Variants in NR5A2 observed in about 807,000 individuals in gnomAD.
NR5A2 encodes the protein nuclear receptor subfamily 5 group A member 2.
NR5A2 carries 26 observed loss-of-function variants against 62.7 expected under a neutral mutation model. That is an observed-to-expected ratio of 0.41 (90% CI 0.30 to 0.58). NR5A2 has a LOEUF of 0.58. Among genes scored for constraint, NR5A2 ranks in the 20% least tolerant of loss-of-function variants. The pLI, the probability that NR5A2 is intolerant of heterozygous loss-of-function variation, is 0.22. For synonymous variants in NR5A2, 246 were observed against 241.7 expected (o/e 1.02, Z -0.16); for missense variants, 541 against 669.1 (o/e 0.81, Z 2.11).
At chr1:200,033,542 G>C (rs1039178292) in intron 1 of NR5A2, among the ~76,000 whole-genome samples, 2 of 152,038 alleles carry the variant, frequency 1.3e-5, no homozygotes, top group Non-Finnish European at 2.9e-5. Flanking sequence ...TCTGCTTCCC[G>C]GCCTTCTGCA....
intron 7 of NR5A2, among the ~76,000 whole-genome samples, chr1:200,145,951 G>A (rs1407301645): frequency 6.6e-6 from 1 of 152,080 alleles, no homozygotes; most frequent in African/African-American, 2.4e-5. Flanking sequence ...ATGAATATAA[G>A]CTTTACTAAA....
At chr1:200,149,565 C>T (rs75193699) in intron 7 of NR5A2, among the ~76,000 whole-genome samples, 1,523 of 152,298 alleles carry the variant, frequency 0.01, 17 homozygotes, top group Non-Finnish European at 0.015. Flanking sequence ...CCCCTCAACA[C>T]GCAGCAAATT....
intron 7 of NR5A2, among the ~76,000 whole-genome samples, chr1:200,168,356 C>T (rs987640512): frequency 3.3e-5 from 5 of 151,984 alleles, no homozygotes; most frequent in African/African-American, 1.2e-4. Context: ...ACTACAGGCA[C>T]ACACCACCAC....
intron 2 of NR5A2, among the ~76,000 whole-genome samples, chr1:200,040,754 T>TC (rs1361881891): frequency 6.6e-6 from 1 of 152,148 alleles, no homozygotes; most frequent in Non-Finnish European, 1.5e-5. Context: ...TGGGAGGTGT[T>TC]GAGAGCAGAG....
intron 7 of NR5A2, among the ~76,000 whole-genome samples, chr1:200,173,660 A>G (rs1015511101): frequency 2.0e-5 from 3 of 152,226 alleles, no homozygotes; most frequent in South Asian, 2.1e-4. Context: ...AGATCCCTCT[A>G]CTTTAGGAAT....
chr1:200,132,834 A>G (rs1667024360), intron 7 of NR5A2, among the ~76,000 whole-genome samples: 1 of 152,198 alleles, frequency 6.6e-6, no homozygotes, highest in African/African-American at 2.4e-5. Context: ...CACTGTCCCT[A>G]ACACCCACAT....
intron 7 of NR5A2, among the ~76,000 whole-genome samples, chr1:200,159,960 AT>A (rs1278765647): frequency 6.6e-6 from 1 of 152,108 alleles, no homozygotes; most frequent in East Asian, 1.9e-4. Context: ...GTCTGAGAAG[AT>A]TTTTTTAAGA....
chr1:200,069,886 A>C (rs1045684441), intron 5 of NR5A2, among the ~76,000 whole-genome samples: 1 of 152,134 alleles, frequency 6.6e-6, no homozygotes, highest in South Asian at 2.1e-4. Flanking sequence ...ACACGTGTCC[A>C]TGAATAGTTA....
chr1:200,062,227 T>TTTTGTGTGTGTGTGTGTGTG (rs1553267511), intron 5 of NR5A2, among the ~76,000 whole-genome samples: 3 of 145,756 alleles, frequency 2.1e-5, no homozygotes, highest in Admixed American at 1.4e-4. Context: ...CTGGCAGATT[T>TTTTGTGTGTGTGTGTGTGTG]TGTGTGTGTG....
intron 1 of NR5A2, 140 bp downstream of exon 1, chr1:200,028,051 A>G (rs373828409): frequency 2.0e-6 from 1 of 495,488 alleles, no homozygotes. Flanking sequence ...GCCTATGTAT[A>G]TATATCACAC....
At position 200,039,280 on chromosome 1, in the gene NR5A2, G is replaced by A. The variant is rs995425020; in HGVS notation, c.65-378G>A. ...GGGAAGGAGTCGCCCGAGCCGTCCG[G>A]GAGCAGTGGCAGCGGCACAGCCGGG... On this transcript the variant is annotated intron_variant, in intron 1 of 7. Transcript: ENST00000367362. The surrounding 1 kb of genome is among the most constrained non-coding windows in gnomAD (Gnocchi z 5.1). 2.0e-5 allele frequency among the ~76,000 whole-genome samples: 3 copies of A among 152,084 alleles called. No individual in the cohort carries two copies. The highest frequency in any genetic ancestry group is 6.5e-5 in the Admixed American group (1 of 15,276).
At chr1:200,157,417 T>C (rs1019774016) in intron 7 of NR5A2, among the ~76,000 whole-genome samples, 2 of 152,200 alleles carry the variant, frequency 1.3e-5, no homozygotes, top group African/African-American at 4.8e-5. Context: ...AACCTTAGAA[T>C]TGAGCATAGC....
intron 5 of NR5A2, among the ~76,000 whole-genome samples, chr1:200,085,864 A>G (rs983191158): frequency 2.6e-5 from 4 of 152,324 alleles, no homozygotes; most frequent in East Asian, 3.9e-4. Flanking sequence ...CAAAAGACCG[A>G]CACAATTTAT....
Position 200,148,948 on chromosome 1 carries a change from C to T in NR5A2, c.1379-25015C>T, listed in dbSNP as rs546905327. 4.5e-3 allele frequency among the ~76,000 whole-genome samples: 639 copies of T among 143,056 alleles called. 1 individual carries two copies. The highest frequency in any genetic ancestry group is 7.1e-3 in the Non-Finnish European group (471 of 66,186). 93.9% of individuals were successfully genotyped at this position (143,056 alleles called of 152,430 possible). On this transcript the variant is annotated intron_variant, in intron 7 of 7. Transcript: ENST00000367362. ...TTTTCCTTTGAAACCAAGTCTCGCT[C>T]TGTCACCACGCTGGAGTGCAGTGGC...
At chr1:200,140,279 G>A (rs189274448) in intron 7 of NR5A2, among the ~76,000 whole-genome samples, 205 of 152,046 alleles carry the variant, frequency 1.3e-3, no homozygotes, top group African/African-American at 4.5e-3. Context: ...GTCTCACTAT[G>A]TTGCCCAGGC....
At chr1:200,076,019 A>T (rs192387357) in intron 5 of NR5A2, among the ~76,000 whole-genome samples, 114 of 152,228 alleles carry the variant, frequency 7.5e-4, no homozygotes, top group African/African-American at 2.7e-3. Context: ...AAAACAAAAC[A>T]ATTTTCGGTT....
chr1:200,110,515 T>TA lies in NR5A2; in HGVS notation c.1111-686dup, dbSNP rs562636272. On this transcript the variant is annotated intron_variant, in intron 5 of 7. Transcript: ENST00000367362. ...ATAGCAACCTTGTCAGGAAGATACT[T>TA]ACTGTTCTTGGGCCCGTTTTTCAGA... 8.9e-3 allele frequency among the ~76,000 whole-genome samples: 1,357 copies of TA among 152,304 alleles called. 14 individuals carry two copies. The highest frequency in any genetic ancestry group is 0.014 in the Non-Finnish European group (955 of 68,028).
intron 6 of NR5A2, among the ~76,000 whole-genome samples, chr1:200,116,266 G>A (rs997708718): frequency 6.6e-6 from 1 of 152,136 alleles, no homozygotes; most frequent in Non-Finnish European, 1.5e-5. Flanking sequence ...CAAGACCCCA[G>A]GTGTTCCGTA....
chr1:200,070,635 G>A (rs113637157), intron 5 of NR5A2, among the ~76,000 whole-genome samples: 3,902 of 149,024 alleles, frequency 0.026, 176 homozygotes, highest in African/African-American at 0.092. Context: ...AGCTGAGATT[G>A]CACCACTGCA....
Sources: gnomAD v4.1 joint callset for allele counts (sites outside exome capture counted in the v4.1 genomes callset) on GRCh38, gnomAD v4.1.1 for gene constraint, Gnocchi (gnomAD v3.1) non-coding constraint, MANE v1.5 for transcripts, NCBI Gene and HGNC (gene_info 2026-07-23, HGNC 2026-07-21) for gene names.